The following OTUD7A variants were observed in gnomAD, a reference collection of about 807,000 sequenced individuals.
The protein encoded by OTUD7A is OTU deubiquitinase 7A.
In OTUD7A, 12 loss-of-function variants were observed where a neutral mutation model predicts 65.7. The observed-to-expected ratio is 0.18, with a 90% CI of 0.12 to 0.30. The LOEUF (loss-of-function observed/expected upper bound fraction) is 0.30, where lower values mean the gene tolerates loss of function less well. OTUD7A is among the 10% of genes least tolerant of loss of function. The probability of loss-of-function intolerance (pLI) is 1.00; values close to 1 mark genes in which losing one functional copy is unlikely to be tolerated. For synonymous variants in OTUD7A, 641 were observed against 586.3 expected, an observed-to-expected ratio of 1.09 and a Z score of -1.35; for missense variants, 1,148 against 1,304.8, an observed-to-expected ratio of 0.88 and a Z score of 1.85.
chr15:31,740,026 T>A lies in OTUD7A; in HGVS notation c.-99-82949A>T, dbSNP rs1836074200. Among the ~76,000 whole-genome samples the A allele has an allele frequency of 2.6e-5, 4 of 152,184 alleles. No individual in the cohort carries two copies. The South Asian group carries it at 8.3e-4, about 32-fold the overall frequency. On this transcript the variant is annotated intron_variant, in intron 1 of 12. Transcript: ENST00000307050. ...CTACACTTGGTGCTCCAAACAGGAT[T>A]TTACAGGTGACAGACTACTACCACG...
intron 1 of OTUD7A, among the ~76,000 whole-genome samples, chr15:31,715,001 T>G (rs552129609): frequency 1.0e-5 from 1 of 97,838 alleles, no homozygotes; most frequent in Admixed American, 1.1e-4. Flanking sequence ...CCGGGTGTGG[T>G]GGTGGGCACC....
Position 31,531,841 on chromosome 15 carries a change from T to C in OTUD7A, c.551-1033A>G, listed in dbSNP as rs141413523. 2.8e-3 allele frequency among the ~76,000 whole-genome samples: 425 copies of C among 152,266 alleles called. 4 individuals are homozygous for C. The highest frequency in any genetic ancestry group is 9.9e-3 in the African/African-American group (410 of 41,544). On this transcript the variant is annotated intron_variant, in intron 5 of 12. Transcript: ENST00000307050. ...GTGGTAATAAGCACCTTGCCCTCTA[T>C]CTTCAGAGGACACACAGGGAGCCTG...
intron 4 of OTUD7A, among the ~76,000 whole-genome samples, chr15:31,569,034 C>T (rs1888964783): frequency 6.6e-6 from 1 of 152,108 alleles, no homozygotes; most frequent in African/African-American, 2.4e-5. Context: ...AAAGAATGGC[C>T]CAGCACACCA....
At chr15:31,756,093 G>A (rs1194069446) in intron 1 of OTUD7A, among the ~76,000 whole-genome samples, 1 of 152,200 alleles carries the variant, frequency 6.6e-6, no homozygotes, top group Admixed American at 6.5e-5. Context: ...TTGCCCCACT[G>A]GCCATGGAGT....
chr15:31,509,809 A>AT (rs2041652189), intron 8 of OTUD7A, among the ~76,000 whole-genome samples: 1 of 151,728 alleles, frequency 6.6e-6, no homozygotes, highest in South Asian at 2.1e-4. Context: ...TTTATAGACA[A>AT]TTTTTAACAT....
rs2141049398 is a variant in OTUD7A at position 31,476,573 on chromosome 15, G to A, written c.*6721C>T. ...CCAGTCTGTTTGGGCAGCAATGAAA[G>A]GGACACTGTTTATTTGGCAATTCAA... On this transcript the variant is annotated 3_prime_UTR_variant, in exon 13 of 13. Transcript: ENST00000307050. 1 of 152,406 alleles carries A rather than the reference G, an allele frequency of 6.6e-6. No homozygotes were observed. Among genetic ancestry groups the A allele is most frequent in the East Asian group, 1.9e-4 (1 of 5,190 alleles). 9.4% of individuals were successfully genotyped at this position (152,406 alleles called of 1,614,324 possible). A position where few individuals can be genotyped will look rare whatever the true frequency, so the allele number is the denominator to read the frequency against.
intron 10 of OTUD7A, among the ~76,000 whole-genome samples, chr15:31,492,211 G>A (rs2041325866): frequency 6.6e-6 from 1 of 152,190 alleles, no homozygotes; most frequent in African/African-American, 2.4e-5. Context: ...AGAATGGGAG[G>A]GAGGGATTGG....
intron 1 of OTUD7A, among the ~76,000 whole-genome samples, chr15:31,748,718 C>T (rs145576576): frequency 2.6e-4 from 39 of 152,168 alleles, no homozygotes; most frequent in African/African-American, 8.9e-4. Flanking sequence ...AATTTCATTC[C>T]TAGGTATTAC....
At chr15:31,577,301 G>A (rs1889231031) in intron 3 of OTUD7A, among the ~76,000 whole-genome samples, 1 of 152,066 alleles carries the variant, frequency 6.6e-6, no homozygotes, top group Non-Finnish European at 1.5e-5. Context: ...CTGCTAGCTG[G>A]AGACTTCCTC....
intron 3 of OTUD7A, among the ~76,000 whole-genome samples, chr15:31,621,592 CT>C (rs150301160): frequency 0.29 from 43,375 of 151,094 alleles, 7,319 homozygotes; most frequent in African/African-American, 0.47. Flanking sequence ...CAACCCCTAC[CT>C]TTTTTTTTGT....
chr15:31,759,481 GCTT>G (rs1246967516), intron 1 of OTUD7A, among the ~76,000 whole-genome samples: 1 of 152,170 alleles, frequency 6.6e-6, no homozygotes, highest in East Asian at 1.9e-4. Context: ...TCTGAGTCCT[GCTT>G]CTTTAACTGC....
chr15:31,690,787 G>A (rs935926816), intron 1 of OTUD7A, among the ~76,000 whole-genome samples: 1 of 152,146 alleles, frequency 6.6e-6, no homozygotes, highest in Non-Finnish European at 1.5e-5. Flanking sequence ...AACTAAAAAT[G>A]GATCAAAGAC....
At chr15:31,645,359 A>G (rs1377558451) in intron 3 of OTUD7A, among the ~76,000 whole-genome samples, 1 of 152,318 alleles carries the variant, frequency 6.6e-6, no homozygotes, top group Non-Finnish European at 1.5e-5. Flanking sequence ...TGGAAGTGGA[A>G]GTTTCCTGGT....
intron 1 of OTUD7A, among the ~76,000 whole-genome samples, chr15:31,849,183 T>C (rs1177046008): frequency 6.6e-6 from 1 of 152,192 alleles, no homozygotes; most frequent in Non-Finnish European, 1.5e-5. Flanking sequence ...CAAAACAGCA[T>C]GGTACTGGTA....
intron 1 of OTUD7A, among the ~76,000 whole-genome samples, chr15:31,860,074 T>C (rs1354121079): frequency 1.3e-5 from 2 of 152,214 alleles, no homozygotes; most frequent in South Asian, 2.1e-4. Context: ...GACATATCCA[T>C]GTGACCTTCC....
At chr15:31,674,351 G>C (rs1892549931) in intron 1 of OTUD7A, among the ~76,000 whole-genome samples, 1 of 152,146 alleles carries the variant, frequency 6.6e-6, no homozygotes, top group Non-Finnish European at 1.5e-5. Flanking sequence ...GCCAGTGGGA[G>C]GCTGATGAGA....
At chr15:31,721,218 T>C (rs1199719013) in intron 1 of OTUD7A, among the ~76,000 whole-genome samples, 6 of 152,394 alleles carry the variant, frequency 3.9e-5, no homozygotes, top group Middle Eastern at 3.4e-3. Flanking sequence ...TCTATGTATC[T>C]ATATGTCTGG....
chr15:31,509,774 A>AT (rs11296487), intron 8 of OTUD7A, among the ~76,000 whole-genome samples: 1 of 151,500 alleles, frequency 6.6e-6, no homozygotes, highest in South Asian at 2.1e-4. Context: ...TTTTGCATAA[A>AT]TTTTTTTTAT....
intron 1 of OTUD7A, among the ~76,000 whole-genome samples, chr15:31,660,316 C>T (rs1157225821): frequency 6.6e-6 from 1 of 152,198 alleles, no homozygotes; most frequent in Non-Finnish European, 1.5e-5. Context: ...GCCTGTGTGG[C>T]CCATCCCTTG....
Sources: allele counts gnomAD v4.1 joint callset (sites outside exome capture counted in the v4.1 genomes callset), GRCh38; gene constraint gnomAD v4.1.1; transcripts MANE v1.5; gene names NCBI Gene and HGNC (gene_info 2026-07-23, HGNC 2026-07-21).